Variants in SPTBN4 observed in about 807,000 individuals in gnomAD.
The protein encoded by SPTBN4 is spectrin beta chain, non-erythrocytic 4.
A neutral mutation model predicts 277.8 loss-of-function variants in SPTBN4; 96 were observed. That is an observed-to-expected ratio of 0.35 (90% CI 0.29 to 0.41). SPTBN4 has a LOEUF of 0.41. Ranked by LOEUF, SPTBN4 falls within the 10% of genes least tolerant of loss-of-function variation. SPTBN4 has a pLI of 1.00. For synonymous variants in SPTBN4, 1,481 were observed against 1,580.3 expected (o/e 0.94, Z 1.49); for missense variants, 3,006 against 3,595.7 (o/e 0.84, Z 4.19).
At chr19:40,558,228 G>A (rs1034760705) in intron 26 of SPTBN4, among the ~76,000 whole-genome samples, 5 of 151,554 alleles carry the variant, frequency 3.3e-5, no homozygotes, top group African/African-American at 1.2e-4. Flanking sequence ...ATGGTGGCGG[G>A]CACCTGTAAT....
intron 17 of SPTBN4, among the ~76,000 whole-genome samples, chr19:40,524,294 G>T (rs1020209523): frequency 6.6e-6 from 1 of 151,112 alleles, no homozygotes; most frequent in Non-Finnish European, 1.5e-5. Flanking sequence ...TGCTTGTGCT[G>T]AAGAGTTCCA....
intron 35 of SPTBN4, 118 bp downstream of exon 35, chr19:40,572,498 G>A: frequency 7.6e-7 from 1 of 1,307,330 alleles, no homozygotes; most frequent in Non-Finnish European, 1.1e-6. Flanking sequence ...AGTTATCAGG[G>A]CTGTAATGGG....
intron 18 of SPTBN4, among the ~76,000 whole-genome samples, chr19:40,531,677 C>T (rs1308772178): frequency 6.6e-6 from 1 of 150,954 alleles, no homozygotes; most frequent in Non-Finnish European, 1.5e-5. Context: ...TTGATCCTCT[C>T]TAGTGCCGTG....
chr19:40,510,299 T>G (rs374495009), intron 13 of SPTBN4, among the ~76,000 whole-genome samples: 190 of 152,066 alleles, frequency 1.2e-3, no homozygotes, highest in Middle Eastern at 3.4e-3. Flanking sequence ...CTGTTTTTTT[T>G]TTGTTGTTGT....
chr19:40,506,807 A>T (rs1568787878), intron 13 of SPTBN4, among the ~76,000 whole-genome samples: 1 of 151,940 alleles, frequency 6.6e-6, no homozygotes, highest in Non-Finnish European at 1.5e-5. Context: ...GAAAGACATC[A>T]TCTGTACCAA....
chr19:40,492,043 A>C (rs1052687839), intron 4 of SPTBN4, among the ~76,000 whole-genome samples: 75 of 150,362 alleles, frequency 5.0e-4, no homozygotes, highest in African/African-American at 1.7e-3. Flanking sequence ...AAACAAAACA[A>C]AAAAAAAAAC....
At chr19:40,529,202 GT>G (rs1441970558) in intron 18 of SPTBN4, 71 bp downstream of exon 18, 1 of 1,422,232 alleles carries the variant, frequency 7.0e-7, no homozygotes, top group Admixed American at 1.7e-5. Context: ...CTCGGCCGAG[GT>G]GGGGGTGGGG....
rs762744181 is a variant in SPTBN4, at chr19:40,502,257, G to A, written c.1027G>A (p.Gly343Arg). 6.2e-7 allele frequency: 1 copy of A among 1,613,864 alleles called. No individual in the cohort carries two copies. Among genetic ancestry groups the A allele is most frequent in the South Asian group, 1.1e-5 (1 of 91,086 alleles). The change falls in exon 9 of 36, where the codon GGG (glycine) becomes AGG (arginine). Residue 343 changes from glycine to arginine, a missense_variant. By Grantham distance (125) the Gly-to-Arg change is moderately radical. This residue lies in a region of SPTBN4 where 1,759 missense variants were observed against 2,061.5 expected (regional missense o/e 0.85). Coordinates refer to ENST00000598249, the MANE Select transcript of SPTBN4 (RefSeq NM_020971.3). This position sits in a 1 kb window ranked among gnomAD's most constrained non-coding sequence, Gnocchi z 4.9. ...TCAGAAATTTGCCAACTCCTTAAGT[G>A]GGGTGCAGCAGCAACTCCAGGCTTT... ...SNQKFANSLS[G>R]VQQQLQAFTA...
chr19:40,510,000 G>A (rs544660684), intron 13 of SPTBN4, among the ~76,000 whole-genome samples: 4 of 152,216 alleles, frequency 2.6e-5, no homozygotes, highest in African/African-American at 9.6e-5. Context: ...GTGAATTCTC[G>A]GCTCCTGTGA....
chr19:40,490,301 G>T lies in SPTBN4; in HGVS notation c.495+53G>T. 6.4e-7 allele frequency: 1 copy of T among 1,563,138 alleles called. No individual in the cohort carries two copies. On this transcript the variant is annotated intron_variant, in intron 4 of 35. Transcript: ENST00000598249. The surrounding 1 kb of genome is among the most constrained non-coding windows in gnomAD (Gnocchi z 4.3). The stretch of plus-strand genomic sequence containing the variant: ...CCCGCAACATGGGACTTAGGAAAGC[G>T]TTCCCCACCATTTACCCATTCATTC...
At chr19:40,508,528 A>C (rs865858100) in intron 13 of SPTBN4, among the ~76,000 whole-genome samples, 5 of 152,162 alleles carry the variant, frequency 3.3e-5, no homozygotes, top group African/African-American at 1.2e-4. Flanking sequence ...CCCTACTAAA[A>C]ATACAAAAAA....
Position 40,512,791 on chromosome 19 carries a change from G to C in SPTBN4, c.2002G>C (p.Glu668Gln). The C allele has an allele frequency of 6.8e-7, 1 of 1,472,192 alleles. No individual in the cohort carries two copies. The highest frequency in any genetic ancestry group is 8.9e-7 in the Non-Finnish European group (1 of 1,124,918). 91.2% of individuals were successfully genotyped at this position (1,472,192 alleles called of 1,614,324 possible). A position where few individuals can be genotyped will look rare whatever the true frequency, so the allele number is the denominator to read the frequency against. Residue 668 changes from glutamate to glutamine, a missense_variant, in exon 14 of 36, where the codon GAG becomes CAG. By Grantham distance (29) the Glu-to-Gln change is conservative (BLOSUM62 2). Around this residue, in one of 5 missense-constraint regions of SPTBN4, gnomAD observed 1,759 missense variants for 2,061.5 expected, o/e 0.85. Coordinates refer to ENST00000598249, the MANE Select transcript of SPTBN4 (RefSeq NM_020971.3). ...SWARDKERLL[E>Q]AAGGGGAAGA... Reference sequence around the variant, plus strand: ...GGCGCGCGACAAGGAGCGTCTCCTGGAGGCTGCGGGCGGCGGCGGTGCGGC... The same window carrying C: ...GGCGCGCGACAAGGAGCGTCTCCTGCAGGCTGCGGGCGGCGGCGGTGCGGC...
chr19:40,567,830 C>T lies in SPTBN4; in HGVS notation c.6504C>T (p.Leu2168=). The T allele has an allele frequency of 6.6e-7, 1 of 1,521,946 alleles. No homozygotes were observed. Among genetic ancestry groups the T allele is most frequent in the Non-Finnish European group, 8.8e-7 (1 of 1,133,856 alleles). 94.3% of individuals were successfully genotyped at this position (1,521,946 alleles called of 1,614,324 possible). A position where few individuals can be genotyped will look rare whatever the true frequency, so the allele number is the denominator to read the frequency against. ...EPLARRASDT[L]SAEVRTRVGY... ...TGGCCCGCCGAGCCTCGGACACGCT[C>T]TCGGCCGAGGTGCGGACTCGGGTGG... The change falls in exon 31 of 36, where the codon CTC becomes CTT. Residue 2168 remains leucine (L), a synonymous_variant. Coordinates refer to ENST00000598249, the MANE Select transcript of SPTBN4 (RefSeq NM_020971.3).
chr19:40,541,848 G>A (rs1026845166), intron 20 of SPTBN4, among the ~76,000 whole-genome samples: 1 of 152,060 alleles, frequency 6.6e-6, no homozygotes, highest in South Asian at 2.1e-4. Flanking sequence ...AGGTTCAAGC[G>A]ATTCCCCAGC....
At chr19:40,468,697 G>T (rs138217601) in intron 1 of SPTBN4, among the ~76,000 whole-genome samples, 1 of 152,242 alleles carries the variant, frequency 6.6e-6, no homozygotes, top group East Asian at 1.9e-4. Flanking sequence ...CTATTTTGCA[G>T]ATGAACAAAC....
At chr19:40,474,656 T>C (rs2079927142) in intron 2 of SPTBN4, among the ~76,000 whole-genome samples, 1 of 151,994 alleles carries the variant, frequency 6.6e-6, no homozygotes, top group South Asian at 2.1e-4. Context: ...TCCCAGCACT[T>C]TGGGAGGCTG....
intron 1 of SPTBN4, among the ~76,000 whole-genome samples, chr19:40,471,966 A>C (rs1468748363): frequency 6.8e-6 from 1 of 146,118 alleles, no homozygotes; most frequent in Non-Finnish European, 1.5e-5. Context: ...GCTGGAGTGC[A>C]ATGGCATGAT....
chr19:40,568,166 C>A lies in SPTBN4; in HGVS notation c.6840C>A (p.Ser2280Arg). The A allele has an allele frequency of 6.3e-7, 1 of 1,584,778 alleles. No individual in the cohort carries two copies. The highest frequency in any genetic ancestry group is 8.6e-7 in the Non-Finnish European group (1 of 1,166,220). ...CAGCGGAGCACGAGGCGGCACACAG[C>A]CTTACCCTGGGCCGCTATGAGCAGA... ...QESAEHEAAH[S>R]LTLGRYEQME... The change falls in exon 31 of 36, where the codon AGC becomes AGA. Residue 2280 changes from serine to arginine, a missense_variant. Transcript: ENST00000598249.
At position 40,531,475 on chromosome 19, in the gene SPTBN4, T is replaced by G. The variant is rs1376272483; in HGVS notation, c.3949-1150T>G. On this transcript the variant is annotated intron_variant, in intron 18 of 35. Transcript: ENST00000598249. ...GGAGTCCAGTGTTTGTTTTTTTTTT[T>G]TTTTTTTTTTTTTTTTTTTTTTTTG... Among the ~76,000 whole-genome samples the G allele has an allele frequency of 2.1e-4, 18 of 86,676 alleles. No individual in the cohort carries two copies. In the East Asian group the frequency reaches 3.3e-3, roughly 16 times the overall value. 56.9% of individuals were successfully genotyped at this position (86,676 alleles called of 152,430 possible).
Sources: gnomAD v4.1 joint callset for allele counts (sites outside exome capture counted in the v4.1 genomes callset) on GRCh38, gnomAD v4.1.1 for gene constraint, gnomAD v4.1.1 regional missense constraint, Gnocchi (gnomAD v3.1) non-coding constraint, MANE v1.5 for transcripts, NCBI Gene and HGNC (gene_info 2026-07-23, HGNC 2026-07-21) for gene names.